Variants in SYN3 observed in about 807,000 individuals in gnomAD.
SYN3 encodes the protein synapsin-3.
A neutral mutation model predicts 65.8 loss-of-function variants in SYN3; 35 were observed. That is an observed-to-expected ratio of 0.53 (90% confidence interval 0.41 to 0.70). The LOEUF is 0.70. Ranked by LOEUF, SYN3 falls within the 30% of genes least tolerant of loss-of-function variation. SYN3 has a pLI of 0.00. For synonymous variants in SYN3, 270 were observed against 292.9 expected (o/e 0.92, Z 0.80); for missense variants, 680 against 749.0 (o/e 0.91, Z 1.08).
chr22:32,571,439 A>G (rs2058757523), intron 7 of SYN3, among the ~76,000 whole-genome samples: 1 of 152,106 alleles, frequency 6.6e-6, no homozygotes, highest in South Asian at 2.1e-4. Context: ...TGCTCATCCT[A>G]TCTCCAGGCA....
At chr22:32,751,096 C>T (rs1346772931) in intron 6 of SYN3, among the ~76,000 whole-genome samples, 1 of 152,020 alleles carries the variant, frequency 6.6e-6, no homozygotes, top group Non-Finnish European at 1.5e-5. Flanking sequence ...AGCCCAGCCC[C>T]CAGCCCCCAG....
chr22:33,040,756 C>T (rs2053948838), intron 1 of SYN3, among the ~76,000 whole-genome samples: 1 of 152,122 alleles, frequency 6.6e-6, no homozygotes, highest in African/African-American at 2.4e-5. Flanking sequence ...GTTTTATAAG[C>T]GTCTGTCATT....
chr22:32,734,711 G>A (rs944121178), intron 6 of SYN3, among the ~76,000 whole-genome samples: 1 of 152,164 alleles, frequency 6.6e-6, no homozygotes, highest in East Asian at 1.9e-4. Flanking sequence ...GGACATTCCT[G>A]GGTTTATTTG....
chr22:32,710,222 T>A (rs2060941278), intron 6 of SYN3, among the ~76,000 whole-genome samples: 1 of 151,334 alleles, frequency 6.6e-6, no homozygotes, highest in African/African-American at 2.4e-5. Flanking sequence ...TAATCCCCAG[T>A]GTCTAGGTGG....
chr22:32,653,341 G>A (rs529814373), intron 6 of SYN3, among the ~76,000 whole-genome samples: 3 of 151,758 alleles, frequency 2.0e-5, no homozygotes, highest in Non-Finnish European at 4.4e-5. Flanking sequence ...GCAAAATCAC[G>A]GCTAAAATAT....
At position 33,019,802 on chromosome 22, in the gene SYN3, T is replaced by C. The variant is rs111971656; in HGVS notation, c.-162-12978A>G. 7.0e-3 allele frequency among the ~76,000 whole-genome samples: 1,067 copies of C among 152,176 alleles called. 15 individuals carry two copies. The highest frequency in any genetic ancestry group is 0.025 in the African/African-American group (1,034 of 41,522). ...CCCCAGCTAATGTTTGTATTTTTTG[T>C]AGAGGAGGGGTTTCACCATGTTTCT... On this transcript the variant is annotated intron_variant, in intron 1 of 13. Coordinates refer to ENST00000358763, the MANE Select transcript of SYN3 (RefSeq NM_003490.4).
At chr22:32,858,880 T>C (rs181189662) in intron 6 of SYN3, among the ~76,000 whole-genome samples, 4 of 152,202 alleles carry the variant, frequency 2.6e-5, no homozygotes, top group Non-Finnish European at 4.4e-5. Context: ...GACGAAAAAG[T>C]CCTCTCAGTA....
intron 3 of SYN3, among the ~76,000 whole-genome samples, chr22:32,932,472 A>T (rs1342798604): frequency 6.6e-6 from 1 of 151,916 alleles, no homozygotes; most frequent in African/African-American, 2.4e-5. Flanking sequence ...TTAATGCACA[A>T]ACCATGTTTT....
intron 6 of SYN3, among the ~76,000 whole-genome samples, chr22:32,839,257 G>A (rs1381665019): frequency 6.6e-6 from 1 of 152,098 alleles, no homozygotes; most frequent in Admixed American, 6.5e-5. Context: ...CCCAAGGGAG[G>A]TGTAGGTGAG....
intron 6 of SYN3, among the ~76,000 whole-genome samples, chr22:32,718,423 G>A (rs1041152118): frequency 6.6e-6 from 1 of 151,692 alleles, no homozygotes; most frequent in African/African-American, 2.4e-5. Flanking sequence ...GTCACTGGTA[G>A]GACCCGAGGT....
At chr22:32,613,489 G>C (rs542624795) in intron 6 of SYN3, among the ~76,000 whole-genome samples, 8 of 152,248 alleles carry the variant, frequency 5.3e-5, no homozygotes, top group African/African-American at 1.9e-4. Context: ...TTGAGACCTG[G>C]AGTTAATCCT....
chr22:32,532,056 C>T (rs369687273), intron 10 of SYN3, among the ~76,000 whole-genome samples: 1 of 152,044 alleles, frequency 6.6e-6, no homozygotes, highest in African/African-American at 2.4e-5. Context: ...TCACAGGGGA[C>T]AGAGAGACTG....
Position 32,528,913 on chromosome 22 carries a change from C to T in SYN3, c.1191G>A (p.Pro397=), listed in dbSNP as rs768189348. The T allele has an allele frequency of 1.1e-5, 17 of 1,613,972 alleles. No homozygotes were observed. Among genetic ancestry groups the T allele is most frequent in the Middle Eastern group, 1.6e-4 (1 of 6,084 alleles). ...GGGAGGGCGCTGTGCCTCCTGGCAT[C>T]GGGAGCTGGCTCATTTTGGAGACAA... ...DLVVSKMSQL[P]MPGGTAPSPL... Residue 397 remains proline, a synonymous_variant, in exon 11 of 14, where the codon CCG becomes CCA. Transcript: ENST00000358763.
At chr22:32,858,515 G>A (rs576775965) in intron 6 of SYN3, among the ~76,000 whole-genome samples, 24 of 152,068 alleles carry the variant, frequency 1.6e-4, no homozygotes, top group African/African-American at 5.6e-4. Flanking sequence ...CTGACTCATC[G>A]CTAACCCCAC....
At chr22:32,806,794 A>T (rs917688640) in intron 6 of SYN3, among the ~76,000 whole-genome samples, 1 of 152,022 alleles carries the variant, frequency 6.6e-6, no homozygotes, top group Non-Finnish European at 1.5e-5. Flanking sequence ...TCATCTATCT[A>T]TCTATCTCTC....
intron 6 of SYN3, among the ~76,000 whole-genome samples, chr22:32,668,991 G>A (rs1038146096): frequency 6.6e-6 from 1 of 152,132 alleles, no homozygotes; most frequent in South Asian, 2.1e-4. Context: ...AAAAACAGTT[G>A]ACATTTATTA....
chr22:32,777,719 T>G (rs1466701393), intron 6 of SYN3, among the ~76,000 whole-genome samples: 1 of 152,210 alleles, frequency 6.6e-6, no homozygotes, highest in Non-Finnish European at 1.5e-5. Context: ...ATATTAGCTT[T>G]TCTTGCTTAT....
intron 7 of SYN3, among the ~76,000 whole-genome samples, chr22:32,574,355 A>C (rs1036157429): frequency 3.9e-5 from 6 of 152,054 alleles, no homozygotes; most frequent in Non-Finnish European, 8.8e-5. Context: ...GGTGCACGCC[A>C]GTAGTCCCAG....
chr22:32,806,817 G>A (rs2046753998), intron 6 of SYN3, among the ~76,000 whole-genome samples: 2 of 152,018 alleles, frequency 1.3e-5, no homozygotes, highest in South Asian at 4.2e-4. Flanking sequence ...TCTAAAATCG[G>A]AGAAGAGTAA....
Sources: gnomAD v4.1 joint callset for allele counts (sites outside exome capture counted in the v4.1 genomes callset) on GRCh38, gnomAD v4.1.1 for gene constraint, MANE v1.5 for transcripts, NCBI Gene and HGNC (gene_info 2026-07-23, HGNC 2026-07-21) for gene names.